UBE2E1: variants seen among roughly 807,000 people sequenced by gnomAD.
The protein encoded by UBE2E1 is ubiquitin-conjugating enzyme E2 E1.
A neutral mutation model predicts 21.4 loss-of-function variants in UBE2E1; 6 were observed. The ratio of observed to expected loss-of-function variants is 0.28; its 90% CI spans 0.15 to 0.55. UBE2E1 has a LOEUF of 0.55. UBE2E1 is among the 20% of genes least tolerant of loss of function. UBE2E1 has a pLI of 0.93. For synonymous variants in UBE2E1, 87 were observed against 82.7 expected (o/e 1.05, Z -0.28); for missense variants, 142 against 236.5 (o/e 0.60, Z 2.62).
At chr3:23,822,174 A>T (rs1010664426) in intron 3 of UBE2E1, among the ~76,000 whole-genome samples, 1 of 152,222 alleles carries the variant, frequency 6.6e-6, no homozygotes, top group Non-Finnish European at 1.5e-5. Flanking sequence ...GTAGAAAAAG[A>T]TGAAGACCAG....
At chr3:23,888,320 G>C (rs1381365084) in intron 4 of UBE2E1, 3 of 454,840 alleles carry the variant, frequency 6.6e-6, no homozygotes, top group Non-Finnish European at 1.3e-5. Context: ...CATTCAGTCA[G>C]AAAGAAAACC....
chr3:23,889,306 A>G (rs754426928), intron 5 of UBE2E1, 47 bp downstream of exon 5: 5 of 1,611,658 alleles, frequency 3.1e-6, no homozygotes, highest in Non-Finnish European at 3.4e-6. Context: ...CTTACCTGAA[A>G]AATACTTGTT....
chr3:23,848,037 T>C (rs1376813137), intron 3 of UBE2E1, among the ~76,000 whole-genome samples: 1 of 152,200 alleles, frequency 6.6e-6, no homozygotes, highest in African/African-American at 2.4e-5. Flanking sequence ...CACTGTTCTG[T>C]ACCTTGGTTT....
Position 23,806,360 on chromosome 3 carries a change from C to A in UBE2E1, c.-34+272C>A, listed in dbSNP as rs952552819. On this transcript the variant is annotated intron_variant, in intron 1 of 5. Coordinates refer to ENST00000306627, the MANE Select transcript of UBE2E1 (RefSeq NM_003341.5). This position sits in a 1 kb window ranked among gnomAD's most constrained non-coding sequence, Gnocchi z 6.5. The stretch of plus-strand genomic sequence containing the variant: ...GTGGCTCGAACTGTCAGCGCTGCCC[C>A]AAGAGCCCCCCACTGGCCACCGAGG... Among the ~76,000 whole-genome samples, 48 of 151,250 alleles carry A rather than the reference C, an allele frequency of 3.2e-4. 1 individual carries two copies. The East Asian group carries it at 7.9e-3, about 25-fold the overall frequency.
Position 23,823,935 on chromosome 3 carries a change from T to A in UBE2E1, c.203+12425T>A, listed in dbSNP as rs73822597. ...AGACTGGTAGCCCCCGAAAAGACATTTATTTTTTGTAGCTTGGTATTCTGA... is the reference window on the plus strand; with the variant it reads ...AGACTGGTAGCCCCCGAAAAGACATATATTTTTTGTAGCTTGGTATTCTGA... On this transcript the variant is annotated intron_variant, in intron 3 of 5. Transcript: ENST00000306627. The surrounding 1 kb of genome is among the most constrained non-coding windows in gnomAD (Gnocchi z 4.2). 0.015 allele frequency among the ~76,000 whole-genome samples: 2,353 copies of A among 152,312 alleles called. 69 individuals are homozygous for A. Among genetic ancestry groups the A allele is most frequent in the African/African-American group, 0.054 (2,249 of 41,556 alleles).
chr3:23,825,549 G>T (rs554784441), intron 3 of UBE2E1, among the ~76,000 whole-genome samples: 97 of 152,314 alleles, frequency 6.4e-4, no homozygotes, highest in African/African-American at 2.2e-3. Flanking sequence ...TCAGAAAACA[G>T]TACCAAGAAA....
chr3:23,817,601 C>T (rs1699557584), intron 3 of UBE2E1, among the ~76,000 whole-genome samples: 1 of 151,914 alleles, frequency 6.6e-6, no homozygotes, highest in Non-Finnish European at 1.5e-5. Flanking sequence ...TGAGAGATTA[C>T]TTTGACTTGG....
At chr3:23,843,936 G>A (rs1304538329) in intron 3 of UBE2E1, among the ~76,000 whole-genome samples, 1 of 152,110 alleles carries the variant, frequency 6.6e-6, no homozygotes, top group East Asian at 1.9e-4. Flanking sequence ...CCGAGTTACA[G>A]ATATTGCCAT....
At chr3:23,848,192 G>A (rs1575013365) in intron 3 of UBE2E1, among the ~76,000 whole-genome samples, 1 of 152,122 alleles carries the variant, frequency 6.6e-6, no homozygotes, top group South Asian at 2.1e-4. Context: ...ATCTAGGCTG[G>A]GCGTAATAGC....
chr3:23,834,531 A>G (rs1699937764), intron 3 of UBE2E1, among the ~76,000 whole-genome samples: 1 of 152,106 alleles, frequency 6.6e-6, no homozygotes, highest in Non-Finnish European at 1.5e-5. Flanking sequence ...TTTTCCCTGA[A>G]CAGCACTGCT....
At chr3:23,890,323 C>G (rs1701362109) in intron 5 of UBE2E1, among the ~76,000 whole-genome samples, 186 bp from the exon 6 acceptor site, 4 of 152,184 alleles carry the variant, frequency 2.6e-5, no homozygotes, top group African/African-American at 9.7e-5. Flanking sequence ...AGCATTCCCT[C>G]TTCCCCCAAC....
intron 3 of UBE2E1, among the ~76,000 whole-genome samples, chr3:23,833,787 A>G (rs1284771780): frequency 1.3e-5 from 2 of 152,204 alleles, no homozygotes; most frequent in South Asian, 2.1e-4. Context: ...TCTTGGGGCT[A>G]GAAGTTCAAG....
chr3:23,890,097 GACTTC>G (rs904762667), intron 5 of UBE2E1, among the ~76,000 whole-genome samples: 9 of 152,142 alleles, frequency 5.9e-5, no homozygotes, highest in Admixed American at 1.3e-4. Flanking sequence ...CAGCCCCGAA[GACTTC>G]ACAGTATTCA....
At chr3:23,852,003 T>A (rs954509130) in intron 3 of UBE2E1, among the ~76,000 whole-genome samples, 1 of 152,104 alleles carries the variant, frequency 6.6e-6, no homozygotes, top group Non-Finnish European at 1.5e-5. Context: ...GATCTCATTG[T>A]TTAAACAATG....
intron 3 of UBE2E1, among the ~76,000 whole-genome samples, chr3:23,861,428 T>G (rs1700554410): frequency 6.6e-6 from 1 of 152,176 alleles, no homozygotes; most frequent in African/African-American, 2.4e-5. Flanking sequence ...GACAGGGAAG[T>G]GCTGGGAGGA....
At chr3:23,882,279 G>A (rs1003673258) in intron 3 of UBE2E1, among the ~76,000 whole-genome samples, 3 of 152,158 alleles carry the variant, frequency 2.0e-5, no homozygotes, top group Non-Finnish European at 4.4e-5. Flanking sequence ...TGATTGGTGC[G>A]TTTACAATCT....
chr3:23,879,322 T>G, intron 3 of UBE2E1: 1 of 762,330 alleles, frequency 1.3e-6, no homozygotes, highest in South Asian at 1.4e-5. Context: ...AAGATTACCT[T>G]AATTTTCTCC....
chr3:23,830,992 A>G (rs551122627), intron 3 of UBE2E1, among the ~76,000 whole-genome samples: 8 of 152,304 alleles, frequency 5.3e-5, no homozygotes, highest in Admixed American at 5.2e-4. Flanking sequence ...GCAGCTTAGT[A>G]AGTGGAGAAG....
chr3:23,841,432 G>T (rs1178665255), intron 3 of UBE2E1, among the ~76,000 whole-genome samples: 1 of 151,710 alleles, frequency 6.6e-6, no homozygotes, highest in East Asian at 1.9e-4. Context: ...AATTAGATGT[G>T]CTTTGAGCAC....
Sources: gnomAD v4.1 joint callset for allele counts (sites outside exome capture counted in the v4.1 genomes callset) on GRCh38, gnomAD v4.1.1 for gene constraint, Gnocchi (gnomAD v3.1) non-coding constraint, MANE v1.5 for transcripts, NCBI Gene and HGNC (gene_info 2026-07-23, HGNC 2026-07-21) for gene names.